LAMA2: variants seen among roughly 807,000 people sequenced by gnomAD.
LAMA2 encodes laminin subunit alpha-2.
Under a neutral mutation model 364.8 loss-of-function variants are expected in LAMA2, and 269 were observed. The ratio of observed to expected loss-of-function variants is 0.74; its 90% CI spans 0.67 to 0.82. The LOEUF is 0.82. Ranked by LOEUF, LAMA2 falls within the 40% of genes least tolerant of loss-of-function variation. The pLI, the probability that LAMA2 is intolerant of heterozygous loss-of-function variation, is 0.00. For missense variants in LAMA2, 3,807 were observed against 3,873.2 expected (o/e 0.98, Z 0.45); for synonymous variants, 1,379 against 1,370.6 (o/e 1.01, Z -0.14).
intron 1 of LAMA2, among the ~76,000 whole-genome samples, chr6:128,944,144 A>C (rs770262799): frequency 1.4e-4 from 21 of 152,210 alleles, no homozygotes; most frequent in Non-Finnish European, 2.6e-4. Flanking sequence ...ACCTTAAACA[A>C]TATGAATAGA....
At chr6:129,108,925 A>G (rs377424053) in intron 4 of LAMA2, among the ~76,000 whole-genome samples, 1 of 152,196 alleles carries the variant, frequency 6.6e-6, no homozygotes, top group African/African-American at 2.4e-5. Flanking sequence ...TTTGGTTTTA[A>G]TAAGGATCAC....
intron 22 of LAMA2, among the ~76,000 whole-genome samples, chr6:129,309,586 G>C (rs1412776311): frequency 6.6e-6 from 1 of 152,098 alleles, no homozygotes; most frequent in Non-Finnish European, 1.5e-5. Context: ...GGCCTATTTT[G>C]TTTAAGTGAG....
chr6:129,167,215 G>C (rs1779804122), intron 9 of LAMA2, among the ~76,000 whole-genome samples: 1 of 151,440 alleles, frequency 6.6e-6, no homozygotes, highest in South Asian at 2.1e-4. Context: ...CAATGTGCAG[G>C]TTAGTTACAT....
At chr6:129,024,592 C>T (rs1158001410) in intron 1 of LAMA2, among the ~76,000 whole-genome samples, 1 of 151,950 alleles carries the variant, frequency 6.6e-6, no homozygotes, top group African/African-American at 2.4e-5. Context: ...GACGGGACTT[C>T]ACCATGTTGG....
chr6:128,935,594 TTG>T, intron 1 of LAMA2, among the ~76,000 whole-genome samples: 1 of 152,134 alleles, frequency 6.6e-6, no homozygotes, highest in Non-Finnish European at 1.5e-5. Flanking sequence ...TTTGGATAAT[TTG>T]TTGTTAATAT....
intron 1 of LAMA2, among the ~76,000 whole-genome samples, chr6:128,953,031 A>G (rs1174064139): frequency 6.6e-6 from 1 of 152,134 alleles, no homozygotes; most frequent in African/African-American, 2.4e-5. Flanking sequence ...GAGGAGGAAA[A>G]ATACCTCCTG....
chr6:129,228,031 G>A (rs949332726), intron 12 of LAMA2, among the ~76,000 whole-genome samples: 10 of 152,050 alleles, frequency 6.6e-5, no homozygotes, highest in East Asian at 1.9e-4. Flanking sequence ...CGGCAATGGC[G>A]GGCGCCCCTC....
At chr6:128,955,962 AG>A (rs1417077532) in intron 1 of LAMA2, among the ~76,000 whole-genome samples, 2 of 152,002 alleles carry the variant, frequency 1.3e-5, no homozygotes, top group African/African-American at 4.8e-5. Flanking sequence ...TTGAGCAAGA[AG>A]AAAAAATAAA....
chr6:128,985,100 T>G (rs1783135366), intron 1 of LAMA2, among the ~76,000 whole-genome samples: 1 of 152,186 alleles, frequency 6.6e-6, no homozygotes, highest in Admixed American at 6.6e-5. Flanking sequence ...TCATAGACTG[T>G]CTTATTCTTT....
At chr6:129,292,400 T>C (rs955634144) in intron 20 of LAMA2, among the ~76,000 whole-genome samples, 1 of 152,236 alleles carries the variant, frequency 6.6e-6, no homozygotes, top group Admixed American at 6.5e-5. Flanking sequence ...AAACACCTTC[T>C]TCTAGTTCCA....
chr6:129,291,373 T>C (rs1278542189), intron 19 of LAMA2, among the ~76,000 whole-genome samples: 1 of 152,176 alleles, frequency 6.6e-6, no homozygotes, highest in Non-Finnish European at 1.5e-5. Context: ...CATTAATATT[T>C]TAATGGCATA....
intron 1 of LAMA2, among the ~76,000 whole-genome samples, chr6:128,961,791 C>T (rs888233491): frequency 2.0e-5 from 3 of 151,928 alleles, no homozygotes; most frequent in African/African-American, 7.2e-5. Flanking sequence ...CAAGTTGACA[C>T]TTGTATTAAC....
intron 1 of LAMA2, among the ~76,000 whole-genome samples, chr6:128,962,185 T>TATATATATATATACAC (rs1214826895): frequency 4.1e-4 from 43 of 103,920 alleles, no homozygotes; most frequent in Non-Finnish European, 5.4e-4. Context: ...TATATATATA[T>TATATATATATATACAC]ACACACATAC....
chr6:129,064,883 G>A (rs760596560), intron 3 of LAMA2, among the ~76,000 whole-genome samples: 5 of 152,154 alleles, frequency 3.3e-5, no homozygotes, highest in Non-Finnish European at 7.4e-5. Context: ...AATAACTGAA[G>A]ATGAGGGAGT....
At chr6:129,437,481 C>G (rs1781890263) in intron 41 of LAMA2, among the ~76,000 whole-genome samples, 1 of 151,842 alleles carries the variant, frequency 6.6e-6, no homozygotes, top group African/African-American at 2.4e-5. Flanking sequence ...CTTTCTTGGT[C>G]CTTTCTCAGT....
At chr6:129,020,741 G>A (rs1022983974) in intron 1 of LAMA2, among the ~76,000 whole-genome samples, 1 of 152,092 alleles carries the variant, frequency 6.6e-6, no homozygotes, top group Non-Finnish European at 1.5e-5. Context: ...CATTCCTTCT[G>A]GAGGAACTTC....
chr6:129,474,347 A>G (rs1488187091), intron 52 of LAMA2, among the ~76,000 whole-genome samples: 1 of 152,146 alleles, frequency 6.6e-6, no homozygotes, highest in African/African-American at 2.4e-5. Flanking sequence ...AAACTCATAG[A>G]TGAAGCAACT....
At chr6:128,958,967 A>G (rs1319658334) in intron 1 of LAMA2, among the ~76,000 whole-genome samples, 1 of 152,166 alleles carries the variant, frequency 6.6e-6, no homozygotes, top group Non-Finnish European at 1.5e-5. Context: ...TCTGACCCTC[A>G]CACATTTCTG....
chr6:128,977,556 C>T (rs1782611240), intron 1 of LAMA2, among the ~76,000 whole-genome samples: 1 of 152,138 alleles, frequency 6.6e-6, no homozygotes, highest in African/African-American at 2.4e-5. Context: ...GCCACCTCAC[C>T]CAAACTTTTC....
Sources: gnomAD v4.1 joint callset for allele counts (sites outside exome capture counted in the v4.1 genomes callset) on GRCh38, gnomAD v4.1.1 for gene constraint, MANE v1.5 for transcripts, NCBI Gene and HGNC (gene_info 2026-07-23, HGNC 2026-07-21) for gene names.